Variants in CFAP299 observed in about 807,000 individuals in gnomAD.
CFAP299 encodes cilia- and flagella-associated protein 299.
A neutral mutation model predicts 27.0 loss-of-function variants in CFAP299; 21 were observed. The ratio of observed to expected loss-of-function variants is 0.78; its 90% CI spans 0.55 to 1.12. The LOEUF is 1.12. Ranked by LOEUF, CFAP299 falls within the 50% of genes most tolerant of loss-of-function variation. The probability of loss-of-function intolerance (pLI) is 0.00; values close to 1 mark genes in which losing one functional copy is unlikely to be tolerated. For synonymous variants in CFAP299, 104 were observed against 98.1 expected (o/e 1.06, Z -0.36); for missense variants, 310 against 276.6 (o/e 1.12, Z -0.86).
At chr4:80,844,137 T>C (rs1731028318) in intron 3 of CFAP299, among the ~76,000 whole-genome samples, 1 of 152,142 alleles carries the variant, frequency 6.6e-6, no homozygotes, top group East Asian at 1.9e-4. Flanking sequence ...CCACATTTTC[T>C]TAATCCAGTC....
chr4:80,512,221 AGTGTGT>A (rs3037370), intron 2 of CFAP299, among the ~76,000 whole-genome samples: 2 of 148,590 alleles, frequency 1.3e-5, no homozygotes, highest in East Asian at 2.0e-4. Flanking sequence ...CATATTACAT[AGTGTGT>A]GTGTGTGTGT....
rs1028587074 is a variant in CFAP299, at chr4:80,603,922, T to A, written c.333+20739T>A. Among the ~76,000 whole-genome samples, 4 of 152,220 alleles carry A rather than the reference T, an allele frequency of 2.6e-5. No homozygotes were observed. In the South Asian group the frequency reaches 8.3e-4, roughly 31 times the overall value. On this transcript the variant is annotated intron_variant, in intron 3 of 5. Transcript: ENST00000358105. Reference sequence around the variant, plus strand: ...AGAATAATGGGCCCTTATTTGTTTTTCTGCATTCTCGCTCTTTAAAATAAA... The same window carrying A: ...AGAATAATGGGCCCTTATTTGTTTTACTGCATTCTCGCTCTTTAAAATAAA...
chr4:80,582,613 A>G (rs545472130), intron 2 of CFAP299, among the ~76,000 whole-genome samples: 50 of 151,994 alleles, frequency 3.3e-4, no homozygotes, highest in African/African-American at 1.2e-3. Flanking sequence ...CTTTCATCTG[A>G]CAAAGATAGG....
chr4:80,330,503 C>T, the CFAP299 span, among the ~76,000 whole-genome samples: 1 of 152,108 alleles, frequency 6.6e-6, no homozygotes, highest in Non-Finnish European at 1.5e-5. Context: ...CTCTCGTTTT[C>T]TCACCTTGAA....
chr4:80,800,397 T>A (rs1179877843), intron 3 of CFAP299, among the ~76,000 whole-genome samples: 1 of 54,742 alleles, frequency 1.8e-5, no homozygotes, highest in Non-Finnish European at 2.8e-5. Context: ...TATATTAATA[T>A]AATATATATT....
intron 2 of CFAP299, among the ~76,000 whole-genome samples, chr4:80,555,077 C>T (rs1734720561): frequency 6.6e-6 from 1 of 152,052 alleles, no homozygotes; most frequent in South Asian, 2.1e-4. Context: ...TGTCTTGTTC[C>T]AGTTCTCAAG....
At chr4:80,621,815 G>T (rs1344805840) in intron 3 of CFAP299, among the ~76,000 whole-genome samples, 1 of 152,126 alleles carries the variant, frequency 6.6e-6, no homozygotes, top group East Asian at 1.9e-4. Flanking sequence ...AAAGATATTT[G>T]TCCTGGGTCT....
intron 3 of CFAP299, among the ~76,000 whole-genome samples, chr4:80,841,591 G>T (rs1384835381): frequency 1.3e-5 from 2 of 151,838 alleles, no homozygotes; most frequent in African/African-American, 4.8e-5. Context: ...TATATCAAAG[G>T]TGGTATTAAG....
chr4:80,916,028 G>A (rs1374781350), intron 4 of CFAP299, among the ~76,000 whole-genome samples: 1 of 151,420 alleles, frequency 6.6e-6, no homozygotes, highest in Non-Finnish European at 1.5e-5. Flanking sequence ...TTGGGAGGCT[G>A]AGGTAGGTGG....
chr4:80,672,736 G>T (rs1418291367), intron 3 of CFAP299, among the ~76,000 whole-genome samples: 1 of 152,162 alleles, frequency 6.6e-6, no homozygotes, highest in Admixed American at 6.5e-5. Context: ...TCTTGGGAGG[G>T]TGTATGTGTC....
chr4:80,497,913 A>G (rs937413871), intron 2 of CFAP299, among the ~76,000 whole-genome samples: 1 of 152,190 alleles, frequency 6.6e-6, no homozygotes, highest in African/African-American at 2.4e-5. Context: ...AAACAGACAC[A>G]TAGACCAATG....
intron 3 of CFAP299, among the ~76,000 whole-genome samples, chr4:80,716,046 A>G (rs1003115830): frequency 6.6e-6 from 1 of 152,068 alleles, no homozygotes; most frequent in Non-Finnish European, 1.5e-5. Context: ...AACTAGGATA[A>G]TGTTGATAGA....
chr4:80,460,386 T>C (rs1197314017), intron 2 of CFAP299, among the ~76,000 whole-genome samples: 2 of 152,160 alleles, frequency 1.3e-5, no homozygotes, highest in Admixed American at 1.3e-4. Context: ...AGACTCTAAA[T>C]AGCTATCTTG....
intron 3 of CFAP299, among the ~76,000 whole-genome samples, chr4:80,740,324 A>G (rs1014869358): frequency 2.0e-5 from 3 of 152,144 alleles, no homozygotes; most frequent in Non-Finnish European, 2.9e-5. Flanking sequence ...AGGTATTTGA[A>G]GCTACTTGGG....
At chr4:80,875,985 C>T (rs1309468689) in intron 4 of CFAP299, among the ~76,000 whole-genome samples, 3 of 151,890 alleles carry the variant, frequency 2.0e-5, no homozygotes, top group Non-Finnish European at 4.4e-5. Flanking sequence ...TGTTCCATAC[C>T]GTGGTTACAA....
rs188262910 is a variant in CFAP299 at position 80,867,510 on chromosome 4, C to T, written c.334-2483C>T. On this transcript the variant is annotated intron_variant, in intron 3 of 5. Coordinates refer to ENST00000358105, the MANE Select transcript of CFAP299 (RefSeq NM_152770.3). ...TGACACTACAAAATACCCCAGACAA[C>T]GCCTTAAGCAACACAATTTTACTTT... 3.9e-3 allele frequency among the ~76,000 whole-genome samples: 587 copies of T among 152,284 alleles called. 1 individual carries two copies. Among genetic ancestry groups the T allele is most frequent in the Middle Eastern group, 0.014 (4 of 294 alleles).
At chr4:80,862,145 G>A (rs1378225818) in intron 3 of CFAP299, among the ~76,000 whole-genome samples, 1 of 152,084 alleles carries the variant, frequency 6.6e-6, no homozygotes, top group Non-Finnish European at 1.5e-5. Context: ...CACGGTGGGT[G>A]GATCATTTGA....
chr4:80,446,350 A>G (rs974319507), intron 2 of CFAP299, among the ~76,000 whole-genome samples: 1 of 152,218 alleles, frequency 6.6e-6, no homozygotes, highest in African/African-American at 2.4e-5. Context: ...GTACAAGACA[A>G]TGCTCTTCAA....
intron 2 of CFAP299, among the ~76,000 whole-genome samples, chr4:80,429,972 T>C (rs1043854814): frequency 6.6e-6 from 1 of 152,172 alleles, no homozygotes; most frequent in African/African-American, 2.4e-5. Flanking sequence ...ATGTATACCA[T>C]CACTCACTCT....
Sources: gnomAD v4.1 joint callset for allele counts (sites outside exome capture counted in the v4.1 genomes callset) on GRCh38, gnomAD v4.1.1 for gene constraint, MANE v1.5 for transcripts, NCBI Gene and HGNC (gene_info 2026-07-23, HGNC 2026-07-21) for gene names.